The following GPR158 variants were observed in gnomAD, a reference collection of about 807,000 sequenced individuals.
GPR158 encodes G protein-coupled receptor 158.
GPR158 carries 30 observed loss-of-function variants against 78.2 expected under a neutral mutation model. The observed-to-expected ratio is 0.38, with a 90% CI of 0.29 to 0.52. The LOEUF (loss-of-function observed/expected upper bound fraction) is 0.52. Ranked by LOEUF, GPR158 falls within the 20% of genes least tolerant of loss-of-function variation. The probability of loss-of-function intolerance (pLI) is 0.83; values close to 1 mark genes in which losing one functional copy is unlikely to be tolerated. For synonymous variants in GPR158, 581 were observed against 591.1 expected (o/e 0.98, Z 0.25); for missense variants, 1,463 against 1,523.5 (o/e 0.96, Z 0.66).
At chr10:25,424,049 T>C (rs1259459328) in intron 4 of GPR158, among the ~76,000 whole-genome samples, 1 of 152,220 alleles carries the variant, frequency 6.6e-6, no homozygotes, top group Non-Finnish European at 1.5e-5. Context: ...ACTTGTTGTT[T>C]CCTGACTTTT....
chr10:25,433,771 G>C (rs1292917666), intron 4 of GPR158, among the ~76,000 whole-genome samples: 2 of 140,656 alleles, frequency 1.4e-5, no homozygotes, highest in Admixed American at 7.7e-5. Context: ...GGCCTCAAGT[G>C]ATCCTCTTGC....
intron 4 of GPR158, among the ~76,000 whole-genome samples, chr10:25,445,466 T>A (rs1835127904): frequency 1.3e-5 from 2 of 152,176 alleles, no homozygotes; most frequent in South Asian, 4.1e-4. Flanking sequence ...AATTTGGACT[T>A]ATGTATAGCA....
intron 4 of GPR158, among the ~76,000 whole-genome samples, chr10:25,449,364 T>C (rs1417272643): frequency 6.6e-6 from 1 of 152,258 alleles, no homozygotes; most frequent in African/African-American, 2.4e-5. Context: ...CCTTGTCTTA[T>C]GCCTGCCTCA....
chr10:25,546,198 T>C (rs1032306534), intron 5 of GPR158, among the ~76,000 whole-genome samples: 1 of 152,166 alleles, frequency 6.6e-6, no homozygotes, highest in African/African-American at 2.4e-5. Context: ...TTTATGAGTC[T>C]CTAGTGGTGT....
chr10:25,389,461 G>A (rs1208295766), intron 2 of GPR158, among the ~76,000 whole-genome samples: 3 of 152,110 alleles, frequency 2.0e-5, no homozygotes, highest in Admixed American at 1.3e-4. Context: ...CTGAACACTC[G>A]TTGGAACACT....
rs752386158 is a variant in GPR158, at chr10:25,241,125, T to TTTTCTTTCTTTCTTTC, written c.1008+20017_1008+20032dup. 3.9e-4 allele frequency among the ~76,000 whole-genome samples: 42 copies of TTTTCTTTCTTTCTTTC among 108,514 alleles called. 1 individual carries two copies. Among genetic ancestry groups the TTTTCTTTCTTTCTTTC allele is most frequent in the Admixed American group, 8.9e-4 (9 of 10,110 alleles). The allele number at this position is 108,514 out of a possible 152,430, so 71.2% of individuals were successfully genotyped here. ...ACCAAATATTGAATTTTTACTTTGA[T>TTTTCTTTCTTTCTTTC]TTTCTTTCTTTCTTTCTTTCTTTCT... On this transcript the variant is annotated intron_variant, in intron 2 of 10. Transcript: ENST00000376351.
intron 5 of GPR158, among the ~76,000 whole-genome samples, chr10:25,550,012 T>A (rs373953434): frequency 6.6e-6 from 1 of 152,312 alleles, no homozygotes; most frequent in East Asian, 1.9e-4. Context: ...ATTAATCCTT[T>A]AGCACTGCAA....
intron 2 of GPR158, among the ~76,000 whole-genome samples, chr10:25,313,364 G>A (rs989600867): frequency 2.6e-5 from 4 of 151,622 alleles, no homozygotes; most frequent in South Asian, 4.2e-4. Context: ...AAACCTGCAC[G>A]TTTTGCACAT....
At chr10:25,235,442 A>T (rs1314163008) in intron 2 of GPR158, among the ~76,000 whole-genome samples, 44 of 142,510 alleles carry the variant, frequency 3.1e-4, no homozygotes, top group Middle Eastern at 7.5e-3. Context: ...TTTTTTTTTA[A>T]TGGCAAGAGC....
In GPR158 at chr10:25,268,376, T is replaced by G. The variant is rs550389907; in HGVS notation, c.1008+47219T>G. ...TCTGTGAAGTCTTTGTGATTTTAAA[T>G]AAAATATTGGCCATATGTGCATTTT... On this transcript the variant is annotated intron_variant, in intron 2 of 10. Coordinates refer to ENST00000376351, the MANE Select transcript of GPR158 (RefSeq NM_020752.3). Among the ~76,000 whole-genome samples, 36 of 152,288 alleles carry G rather than the reference T, an allele frequency of 2.4e-4. 1 individual carries two copies. The highest frequency in any genetic ancestry group is 8.7e-4 in the African/African-American group (36 of 41,576).
chr10:25,367,501 A>C (rs1332242843), intron 2 of GPR158, among the ~76,000 whole-genome samples: 1 of 151,776 alleles, frequency 6.6e-6, no homozygotes, highest in Non-Finnish European at 1.5e-5. Flanking sequence ...ACACATTTCT[A>C]TACAAAATTT....
At chr10:25,559,368 CAT>C (rs1836832280) in intron 6 of GPR158, among the ~76,000 whole-genome samples, 1 of 152,138 alleles carries the variant, frequency 6.6e-6, no homozygotes. Flanking sequence ...AAGACACTCT[CAT>C]ATTATGCTGG....
intron 2 of GPR158, among the ~76,000 whole-genome samples, chr10:25,370,167 T>C (rs1204688431): frequency 6.9e-6 from 1 of 145,036 alleles, no homozygotes; most frequent in Non-Finnish European, 1.5e-5. Context: ...CTCTATTTCC[T>C]TCAGTTCTGC....
In GPR158 at chr10:25,487,578, C is replaced by G. The variant is rs370689461; in HGVS notation, c.1404+20859C>G. ...GGAGCCAGACTGTAACTGCCTCTTA[C>G]GAGCTTTGTGACCTTGGGTTACTCA... On this transcript the variant is annotated intron_variant, in intron 5 of 10. Transcript: ENST00000376351. Among the ~76,000 whole-genome samples, 37 of 152,238 alleles carry G rather than the reference C, an allele frequency of 2.4e-4. No homozygotes were observed. In the East Asian group the frequency reaches 7.0e-3, roughly 29 times the overall value.
At chr10:25,453,394 C>A (rs1835248347) in intron 4 of GPR158, among the ~76,000 whole-genome samples, 1 of 152,016 alleles carries the variant, frequency 6.6e-6, no homozygotes. Context: ...CTTGTTATTT[C>A]TTGTCTTTTT....
chr10:25,365,717 G>A (rs1470030351), intron 2 of GPR158, among the ~76,000 whole-genome samples: 1 of 151,588 alleles, frequency 6.6e-6, no homozygotes. Flanking sequence ...CCTTTGGAGG[G>A]ATAGTATGGC....
intron 2 of GPR158, among the ~76,000 whole-genome samples, chr10:25,359,490 C>T (rs921516870): frequency 2.0e-5 from 3 of 152,062 alleles, no homozygotes; most frequent in Non-Finnish European, 2.9e-5. Context: ...CTCCCACTTA[C>T]GAGTGAGAAT....
At chr10:25,596,864 G>A in intron 10 of GPR158, 75 bp downstream of exon 10, 1 of 1,265,608 alleles carries the variant, frequency 7.9e-7, no homozygotes. Flanking sequence ...GTGGGTTGGG[G>A]TGCGTGTGTG....
At chr10:25,555,260 A>C (rs996932341) in intron 6 of GPR158, among the ~76,000 whole-genome samples, 2 of 152,134 alleles carry the variant, frequency 1.3e-5, no homozygotes, top group African/African-American at 4.8e-5. Context: ...TCTGTGAAGA[A>C]AGTCATTGGT....
Sources: gnomAD v4.1 joint callset for allele counts (sites outside exome capture counted in the v4.1 genomes callset) on GRCh38, gnomAD v4.1.1 for gene constraint, MANE v1.5 for transcripts, NCBI Gene and HGNC (gene_info 2026-07-23, HGNC 2026-07-21) for gene names.